OPCML: variants seen among roughly 807,000 people sequenced by gnomAD.
OPCML encodes opioid binding protein/cell adhesion molecule like.
Under a neutral mutation model 37.8 loss-of-function variants are expected in OPCML, and 13 were observed. The observed-to-expected ratio is 0.34, with a 90% CI of 0.22 to 0.55. The LOEUF (loss-of-function observed/expected upper bound fraction) is 0.55. Among genes scored for constraint, OPCML ranks in the 20% least tolerant of loss-of-function variants. The pLI is 0.91. For synonymous variants in OPCML, 176 were observed against 168.8 expected, an observed-to-expected ratio of 1.04 and a Z score of -0.33; for missense variants, 341 against 435.6, an observed-to-expected ratio of 0.78 and a Z score of 1.93.
intron 3 of OPCML, among the ~76,000 whole-genome samples, chr11:132,570,755 GTATA>G (rs71477765): frequency 0.058 from 1,728 of 30,044 alleles, 29 homozygotes; most frequent in East Asian, 0.08. Context: ...AGGAAAGAGA[GTATA>G]TATATATATA....
intron 1 of OPCML, among the ~76,000 whole-genome samples, chr11:133,164,168 G>A (rs1950179640): frequency 6.6e-6 from 1 of 152,216 alleles, no homozygotes; most frequent in South Asian, 2.1e-4. Flanking sequence ...CCACAGTGCA[G>A]TGCCCTCGAG....
In OPCML at chr11:133,399,609, C is replaced by A. The variant is rs570412001; in HGVS notation, c.61+132655G>T. Among the ~76,000 whole-genome samples the A allele has an allele frequency of 2.5e-4, 38 of 152,188 alleles. No homozygotes were observed. The South Asian group carries it at 7.9e-3, about 32-fold the overall frequency. Reference sequence around the variant, plus strand: ...TCAGCGAACAACACAAACACACATACCCCCTCTATCCACTCCTCTGGCTGA... The same window carrying A: ...TCAGCGAACAACACAAACACACATAACCCCTCTATCCACTCCTCTGGCTGA... On this transcript the variant is annotated intron_variant, in intron 1 of 7. Transcript: ENST00000524381.
chr11:133,116,389 C>A (rs913163643), intron 1 of OPCML, among the ~76,000 whole-genome samples: 1 of 152,216 alleles, frequency 6.6e-6, no homozygotes, highest in Non-Finnish European at 1.5e-5. Flanking sequence ...ATCCTTTATA[C>A]TCTGTCATCC....
chr11:132,446,977 C>T lies in OPCML; in HGVS notation c.506-9618G>A, dbSNP rs182514958. Among the ~76,000 whole-genome samples the T allele has an allele frequency of 1.9e-3, 293 of 152,182 alleles. 1 individual carries two copies. The highest frequency in any genetic ancestry group is 6.4e-3 in the African/African-American group (266 of 41,530). ...TGCCCTGGCGTGGTCAGTGGACTGCCAATACTGTGTTACCTAAGGGCGCTT... is the reference window on the plus strand; with the variant it reads ...TGCCCTGGCGTGGTCAGTGGACTGCTAATACTGTGTTACCTAAGGGCGCTT... On this transcript the variant is annotated intron_variant, in intron 4 of 7. Coordinates refer to ENST00000524381, the MANE Select transcript of OPCML (RefSeq NM_001012393.5).
intron 2 of OPCML, among the ~76,000 whole-genome samples, chr11:132,795,558 G>A (rs1938255842): frequency 6.6e-6 from 1 of 152,118 alleles, no homozygotes; most frequent in Non-Finnish European, 1.5e-5. Flanking sequence ...TTGTCCCCAA[G>A]TCTCTGCACT....
intron 3 of OPCML, among the ~76,000 whole-genome samples, chr11:132,624,040 G>A (rs1458381714): frequency 6.6e-6 from 1 of 152,218 alleles, no homozygotes; most frequent in Non-Finnish European, 1.5e-5. Flanking sequence ...GCACTGCTAA[G>A]TGTATCTGCA....
chr11:133,131,476 C>T (rs59116422), intron 1 of OPCML, among the ~76,000 whole-genome samples: 2 of 152,204 alleles, frequency 1.3e-5, no homozygotes, highest in South Asian at 2.1e-4. Context: ...CCACTACAGA[C>T]CATTAAAATT....
At chr11:133,088,207 A>G (rs961887259) in intron 1 of OPCML, among the ~76,000 whole-genome samples, 2 of 145,788 alleles carry the variant, frequency 1.4e-5, no homozygotes, top group African/African-American at 5.2e-5. Context: ...AACCTTTTAC[A>G]TGGGAGAACC....
chr11:133,304,549 C>T (rs551003710), intron 1 of OPCML, among the ~76,000 whole-genome samples: 24 of 152,290 alleles, frequency 1.6e-4, no homozygotes, highest in Admixed American at 3.3e-4. Flanking sequence ...CATTCTATGC[C>T]GATGCCTTCT....
intron 1 of OPCML, among the ~76,000 whole-genome samples, chr11:132,989,464 A>G (rs1946735611): frequency 6.6e-6 from 1 of 152,206 alleles, no homozygotes; most frequent in African/African-American, 2.4e-5. Flanking sequence ...ACTCATATGT[A>G]TGTGATGCAA....
intron 2 of OPCML, among the ~76,000 whole-genome samples, chr11:132,835,185 A>G (rs1218250288): frequency 6.6e-6 from 1 of 152,180 alleles, no homozygotes; most frequent in African/African-American, 2.4e-5. Flanking sequence ...GCCAGTGAAG[A>G]GCCTCCTTGG....
chr11:133,389,452 CTT>C (rs1412747042), intron 1 of OPCML, among the ~76,000 whole-genome samples: 1 of 152,104 alleles, frequency 6.6e-6, no homozygotes, highest in Non-Finnish European at 1.5e-5. Context: ...TCTTTGAGCT[CTT>C]GTTTCCTTAT....
chr11:132,672,452 T>G (rs1189918345), intron 2 of OPCML, among the ~76,000 whole-genome samples: 1 of 152,166 alleles, frequency 6.6e-6, no homozygotes, highest in Non-Finnish European at 1.5e-5. Context: ...TCTCCCACCT[T>G]CATTAAGCAC....
intron 4 of OPCML, among the ~76,000 whole-genome samples, chr11:132,476,972 T>G (rs899722758): frequency 6.6e-6 from 1 of 152,192 alleles, no homozygotes; most frequent in Non-Finnish European, 1.5e-5. Context: ...CCTTTTAATC[T>G]GAGTATCCAT....
chr11:132,589,522 T>C lies in OPCML; in HGVS notation c.380-60336A>G, dbSNP rs574234356. Among the ~76,000 whole-genome samples the C allele has an allele frequency of 5.0e-4, 76 of 152,302 alleles. 1 individual carries two copies. Among genetic ancestry groups the C allele is most frequent in the African/African-American group, 1.7e-3 (72 of 41,564 alleles). Reference sequence around the variant, plus strand: ...TTTCAGATTCTGAAAATTGCTACAATGGAAAGTAACATGTTGCTATTCGAG... The same window carrying C: ...TTTCAGATTCTGAAAATTGCTACAACGGAAAGTAACATGTTGCTATTCGAG... On this transcript the variant is annotated intron_variant, in intron 3 of 7. Transcript: ENST00000524381.
At position 133,138,044 on chromosome 11, in the gene OPCML, G is replaced by A. The variant is rs142953971; in HGVS notation, c.62-195034C>T. On this transcript the variant is annotated intron_variant, in intron 1 of 7. Transcript: ENST00000524381. ...CCAATGTGGCAGTGTTGGAAAGTGG[G>A]GCCCGGTGGGAGGTGTTTGGGTCCT... Among the ~76,000 whole-genome samples, 429 of 152,272 alleles carry A rather than the reference G, an allele frequency of 2.8e-3. 1 individual carries two copies. The highest frequency in any genetic ancestry group is 9.7e-3 in the African/African-American group (402 of 41,552).
chr11:133,454,034 C>T (rs1278911968), intron 1 of OPCML, among the ~76,000 whole-genome samples: 3 of 152,128 alleles, frequency 2.0e-5, no homozygotes, highest in Non-Finnish European at 4.4e-5. Context: ...CGTTAGAGGC[C>T]ATCTGATCCA....
intron 2 of OPCML, among the ~76,000 whole-genome samples, chr11:132,789,897 T>G (rs1260184879): frequency 3.9e-5 from 6 of 152,184 alleles, no homozygotes; most frequent in African/African-American, 1.4e-4. Flanking sequence ...TAACACACCT[T>G]ATGCAGCTGC....
chr11:132,566,975 T>G (rs2096424890), intron 3 of OPCML, among the ~76,000 whole-genome samples: 1 of 151,500 alleles, frequency 6.6e-6, no homozygotes, highest in Non-Finnish European at 1.5e-5. Flanking sequence ...AGTTAGGTTT[T>G]TTTTTTTTTT....
Sources: allele counts gnomAD v4.1 joint callset (sites outside exome capture counted in the v4.1 genomes callset), GRCh38; gene constraint gnomAD v4.1.1; transcripts MANE v1.5; gene names NCBI Gene and HGNC (gene_info 2026-07-23, HGNC 2026-07-21).